PDE1A: variants seen among roughly 807,000 people sequenced by gnomAD.
PDE1A encodes the protein phosphodiesterase 1A.
Under a neutral mutation model 61.7 loss-of-function variants are expected in PDE1A, and 35 were observed. The observed-to-expected ratio is 0.57, with a 90% CI of 0.43 to 0.75. The LOEUF is 0.75. Ranked by LOEUF, PDE1A falls within the 30% of genes least tolerant of loss-of-function variation. The pLI, the probability that PDE1A is intolerant of heterozygous loss-of-function variation, is 0.00. For synonymous variants in PDE1A, 232 were observed against 213.2 expected (o/e 1.09, Z -0.77); for missense variants, 597 against 630.6 (o/e 0.95, Z 0.57).
At chr2:182,231,234 A>G (rs188058162) in intron 4 of PDE1A, 103 bp from the exon 5 acceptor site, 25 of 689,044 alleles carry the variant, frequency 3.6e-5, no homozygotes, top group East Asian at 2.3e-4. Context: ...TCATCTTTCA[A>G]TTTAGCATGT....
intron 5 of PDE1A, 97 bp from the exon 6 acceptor site, chr2:182,230,243 T>G: frequency 1.2e-6 from 1 of 856,168 alleles, no homozygotes; most frequent in Non-Finnish European, 1.8e-6. Context: ...GTGAGTCAGA[T>G]GTGGACAGTA....
At chr2:182,151,794 A>C (rs1690795248) in intron 13 of PDE1A, among the ~76,000 whole-genome samples, 1 of 152,246 alleles carries the variant, frequency 6.6e-6, no homozygotes, top group East Asian at 1.9e-4. Context: ...TATAAAAAAC[A>C]AAATGATTTA....
chr2:182,554,703 A>T, the PDE1A span, among the ~76,000 whole-genome samples: 2 of 152,284 alleles, frequency 1.3e-5, no homozygotes, highest in East Asian at 1.9e-4. Flanking sequence ...GCCTTCAAAC[A>T]TGTTTTATAA....
chr2:182,715,719 A>T, the PDE1A span, among the ~76,000 whole-genome samples: 1 of 152,180 alleles, frequency 6.6e-6, no homozygotes, highest in Non-Finnish European at 1.5e-5. Flanking sequence ...GAAGTCTCAA[A>T]TGCTTGTTGA....
At chr2:182,639,511 T>C in the PDE1A span, among the ~76,000 whole-genome samples, 4 of 152,106 alleles carry the variant, frequency 2.6e-5, no homozygotes, top group African/African-American at 9.7e-5. Flanking sequence ...GAGGTTGCAG[T>C]GAGCCAAGAT....
At chr2:182,595,291 G>C in the PDE1A span, among the ~76,000 whole-genome samples, 1 of 152,124 alleles carries the variant, frequency 6.6e-6, no homozygotes, top group African/African-American at 2.4e-5. Context: ...CATTTCTAGA[G>C]TTCCTCCCAG....
intron 1 of PDE1A, among the ~76,000 whole-genome samples, chr2:182,360,209 G>T (rs928734890): frequency 2.6e-5 from 4 of 152,000 alleles, no homozygotes; most frequent in African/African-American, 7.2e-5. Context: ...GTACACATTT[G>T]TTTGTGATTA....
chr2:182,234,074 A>G (rs1294716673), intron 4 of PDE1A, among the ~76,000 whole-genome samples: 1 of 152,176 alleles, frequency 6.6e-6, no homozygotes, highest in Non-Finnish European at 1.5e-5. Flanking sequence ...TATAACATGC[A>G]TTTAACTCTT....
chr2:182,653,931 G>A, the PDE1A span, among the ~76,000 whole-genome samples: 5 of 152,214 alleles, frequency 3.3e-5, 1 homozygote, highest in East Asian at 9.7e-4. Context: ...ATCCATCATC[G>A]TCACTACACA....
At chr2:182,294,333 C>T (rs1323406824) in intron 1 of PDE1A, among the ~76,000 whole-genome samples, 1 of 152,124 alleles carries the variant, frequency 6.6e-6, no homozygotes, top group Non-Finnish European at 1.5e-5. Flanking sequence ...CATTGGCTTA[C>T]AGAAAGGTAT....
At chr2:182,339,184 G>A (rs1440310958) in intron 1 of PDE1A, among the ~76,000 whole-genome samples, 1 of 152,108 alleles carries the variant, frequency 6.6e-6, no homozygotes, top group African/African-American at 2.4e-5. Context: ...AGAACTAAAA[G>A]AGACACAATG....
chr2:182,488,567 T>C (rs17265294), intron 2 of PDE1A, among the ~76,000 whole-genome samples: 50,278 of 152,070 alleles, frequency 0.33, 8,681 homozygotes, highest in East Asian at 0.42. Context: ...GTTAACACTA[T>C]ACTATTACTA....
At chr2:182,371,397 C>T (rs529020759) in intron 1 of PDE1A, among the ~76,000 whole-genome samples, 18 of 152,202 alleles carry the variant, frequency 1.2e-4, no homozygotes, top group Non-Finnish European at 2.4e-4. Flanking sequence ...TCTCCTGAGA[C>T]GAAAACTTAT....
chr2:182,548,913 T>C, the PDE1A span, among the ~76,000 whole-genome samples: 1 of 152,250 alleles, frequency 6.6e-6, no homozygotes, highest in Non-Finnish European at 1.5e-5. Context: ...TTAAGTATTT[T>C]TGATAATCAC....
chr2:182,298,290 CA>C (rs1695019925), intron 1 of PDE1A, among the ~76,000 whole-genome samples: 1 of 152,128 alleles, frequency 6.6e-6, no homozygotes, highest in Admixed American at 6.6e-5. Flanking sequence ...AAGAAAATGA[CA>C]GTATCAGTTG....
chr2:182,283,679 G>C (rs946721009), intron 1 of PDE1A, among the ~76,000 whole-genome samples: 1 of 151,972 alleles, frequency 6.6e-6, no homozygotes, highest in Non-Finnish European at 1.5e-5. Context: ...TATTCACCCA[G>C]AAGGAAATGA....
chr2:182,164,469 T>C (rs1288742139), downstream of PDE1A, among the ~76,000 whole-genome samples: 1 of 152,148 alleles, frequency 6.6e-6, no homozygotes, highest in Non-Finnish European at 1.5e-5. Context: ...AATATTTGTG[T>C]TCCATATGAA....
intron 1 of PDE1A, among the ~76,000 whole-genome samples, chr2:182,322,472 C>T (rs1376334178): frequency 1.3e-5 from 2 of 152,160 alleles, no homozygotes; most frequent in Admixed American, 6.6e-5. Flanking sequence ...CTGCACATGC[C>T]CTCTTGCCTG....
intron 1 of PDE1A, among the ~76,000 whole-genome samples, chr2:182,412,316 C>T (rs1378337795): frequency 6.6e-6 from 1 of 152,126 alleles, no homozygotes; most frequent in Admixed American, 6.6e-5. Flanking sequence ...CAAGATCCCA[C>T]CCTAAACAGT....
Sources: allele counts gnomAD v4.1 joint callset (sites outside exome capture counted in the v4.1 genomes callset), GRCh38; gene constraint gnomAD v4.1.1; transcripts MANE v1.5; gene names NCBI Gene and HGNC (gene_info 2026-07-23, HGNC 2026-07-21).